ATF7IP: variants seen among roughly 807,000 people sequenced by gnomAD.
ATF7IP encodes the protein activating transcription factor 7-interacting protein 1.
Under a neutral mutation model 106.4 loss-of-function variants are expected in ATF7IP, and 23 were observed. That is an observed-to-expected ratio of 0.22 (90% CI 0.16 to 0.31). The LOEUF is 0.31. Among genes scored for constraint, ATF7IP ranks in the 10% least tolerant of loss-of-function variants. The probability of loss-of-function intolerance (pLI) is 1.00; values close to 1 mark genes in which losing one functional copy is unlikely to be tolerated. For synonymous variants in ATF7IP, 542 were observed against 539.0 expected (o/e 1.01, Z -0.08); for missense variants, 1,334 against 1,524.3 (o/e 0.88, Z 2.08).
chr12:14,446,944 A>G lies in ATF7IP; in HGVS notation c.1930-44A>G, dbSNP rs764087216. 5 of 1,400,690 alleles carry G rather than the reference A, an allele frequency of 3.6e-6. No individual in the cohort carries two copies. In the African/African-American group the frequency reaches 6.4e-5, roughly 18 times the overall value. 86.8% of individuals were successfully genotyped at this position (1,400,690 alleles called of 1,614,324 possible). On this transcript the variant is annotated intron_variant, in intron 5 of 14. Transcript: ENST00000261168. ...TGGTTTTTTTTTTTAATGCTGTAAT[A>G]CTATTTGATTTCCATTCATTTTTGT...
At chr12:14,448,178 G>A (rs1249257697) in intron 6 of ATF7IP, among the ~76,000 whole-genome samples, 1 of 151,926 alleles carries the variant, frequency 6.6e-6, no homozygotes, top group East Asian at 1.9e-4. Flanking sequence ...TTTTCCTAGA[G>A]GTTTTCTGTA....
intron 13 of ATF7IP, among the ~76,000 whole-genome samples, chr12:14,487,819 C>G (rs1046309674): frequency 2.0e-5 from 3 of 152,128 alleles, no homozygotes; most frequent in Non-Finnish European, 4.4e-5. Flanking sequence ...TTTCTTTTAT[C>G]ACTTTGTCCA....
At chr12:14,377,086 C>G (rs1237830046) in intron 1 of ATF7IP, among the ~76,000 whole-genome samples, 1 of 151,414 alleles carries the variant, frequency 6.6e-6, no homozygotes, top group Non-Finnish European at 1.5e-5. Flanking sequence ...CCTCTACCTC[C>G]CAGACTCAGG....
In ATF7IP at chr12:14,385,001, C is replaced by G. The variant is rs74067872; in HGVS notation, c.-8+19174C>G. The G allele has an allele frequency of 7.1e-3, 1,202 of 169,898 alleles. 16 individuals are homozygous for G. The highest frequency in any genetic ancestry group is 0.027 in the African/African-American group (1,142 of 41,920). 10.5% of individuals were successfully genotyped at this position (169,898 alleles called of 1,614,324 possible). A position where few individuals can be genotyped will look rare whatever the true frequency, so the allele number is the denominator to read the frequency against. On this transcript the variant is annotated intron_variant, in intron 1 of 14. Transcript: ENST00000261168. ...TGATTTGGCTCCATCTCTGTAACTG[C>G]TAATATGTGGCATGGATTTCAAGTT...
intron 10 of ATF7IP, among the ~76,000 whole-genome samples, chr12:14,469,294 AG>A (rs1236618473): frequency 7.0e-6 from 1 of 143,546 alleles, no homozygotes; most frequent in Non-Finnish European, 1.5e-5. Flanking sequence ...TGGGAAGAGG[AG>A]GTTGCAGGTT....
At chr12:14,374,272 A>ATTTTTTTTTT (rs563859251) in intron 1 of ATF7IP, among the ~76,000 whole-genome samples, 3 of 105,444 alleles carry the variant, frequency 2.8e-5, no homozygotes, top group Non-Finnish European at 5.7e-5. Context: ...TAATTTTGTA[A>ATTTTTTTTTT]TTTTTTTTTT....
intron 10 of ATF7IP, 79 bp from the exon 11 acceptor site, chr12:14,475,811 A>G: frequency 8.9e-7 from 1 of 1,128,838 alleles, no homozygotes; most frequent in Non-Finnish European, 1.3e-6. Context: ...GTCTCATTTT[A>G]CCTCACTTAT....
intron 6 of ATF7IP, among the ~76,000 whole-genome samples, chr12:14,454,047 TTTGTATGC>T (rs1348687622): frequency 3.3e-5 from 5 of 152,220 alleles, no homozygotes; most frequent in African/African-American, 1.2e-4. Context: ...TCTCTGTTTA[TTTGTATGC>T]TTGTTGAAAT....
chr12:14,487,817 A>G (rs1944674814), intron 13 of ATF7IP, among the ~76,000 whole-genome samples: 1 of 152,080 alleles, frequency 6.6e-6, no homozygotes, highest in African/African-American at 2.4e-5. Context: ...ATTTTCTTTT[A>G]TCACTTTGTC....
chr12:14,410,173 G>C (rs990208630), intron 1 of ATF7IP, among the ~76,000 whole-genome samples: 1 of 152,088 alleles, frequency 6.6e-6, no homozygotes, highest in African/African-American at 2.4e-5. Flanking sequence ...ATATACATTA[G>C]TCCCCCCTTC....
intron 5 of ATF7IP, among the ~76,000 whole-genome samples, chr12:14,443,829 A>G (rs1026370140): frequency 4.6e-5 from 7 of 152,222 alleles, no homozygotes; most frequent in Non-Finnish European, 2.9e-5. Flanking sequence ...CAACTACCTC[A>G]TATAAGGACA....
At chr12:14,407,868 T>A (rs1370754510) in intron 1 of ATF7IP, among the ~76,000 whole-genome samples, 1 of 152,144 alleles carries the variant, frequency 6.6e-6, no homozygotes, top group African/African-American at 2.4e-5. Flanking sequence ...TAAGGCATAC[T>A]TCCTACCTTA....
intron 1 of ATF7IP, among the ~76,000 whole-genome samples, chr12:14,415,756 C>T (rs773811200): frequency 3.3e-5 from 5 of 150,216 alleles, no homozygotes; most frequent in South Asian, 2.1e-4. Flanking sequence ...TTAAGAGAAC[C>T]GTAGCTGACA....
intron 13 of ATF7IP, among the ~76,000 whole-genome samples, chr12:14,484,655 C>T (rs1224817863): frequency 6.6e-6 from 1 of 152,174 alleles, no homozygotes; most frequent in Non-Finnish European, 1.5e-5. Context: ...GTCATCTGTT[C>T]CGCTGTCAAG....
intron 3 of ATF7IP, among the ~76,000 whole-genome samples, 198 bp downstream of exon 3, chr12:14,434,621 T>C (rs1452435248): frequency 6.6e-6 from 1 of 152,256 alleles, no homozygotes; most frequent in East Asian, 1.9e-4. Flanking sequence ...TTATTTTGTT[T>C]ATTTATACTT....
chr12:14,432,188 T>A (rs1215390460), intron 2 of ATF7IP, among the ~76,000 whole-genome samples: 1 of 152,220 alleles, frequency 6.6e-6, no homozygotes, highest in Non-Finnish European at 1.5e-5. Context: ...GGAGTCACTC[T>A]AATTGGAGCC....
chr12:14,471,088 T>C (rs922473789), intron 10 of ATF7IP, among the ~76,000 whole-genome samples: 2 of 152,184 alleles, frequency 1.3e-5, no homozygotes, highest in African/African-American at 4.8e-5. Context: ...TTTGGGGATT[T>C]TGCAAATTTT....
intron 1 of ATF7IP, among the ~76,000 whole-genome samples, chr12:14,383,105 G>A (rs749666023): frequency 3.7e-4 from 57 of 152,292 alleles, no homozygotes; most frequent in Admixed American, 3.1e-3. Context: ...ATAAAGCTCT[G>A]TCAGCTGGTA....
chr12:14,391,478 T>C (rs1218369632), intron 1 of ATF7IP, among the ~76,000 whole-genome samples: 1 of 152,230 alleles, frequency 6.6e-6, no homozygotes, highest in Non-Finnish European at 1.5e-5. Flanking sequence ...AGATTACTTC[T>C]GCTCTCGTAC....
Sources: gnomAD v4.1 joint callset for allele counts (sites outside exome capture counted in the v4.1 genomes callset) on GRCh38, gnomAD v4.1.1 for gene constraint, MANE v1.5 for transcripts, NCBI Gene and HGNC (gene_info 2026-07-23, HGNC 2026-07-21) for gene names.